SLC6A11: variants seen among roughly 807,000 people sequenced by gnomAD.
SLC6A11 encodes solute carrier family 6 member 11.
SLC6A11 carries 25 observed loss-of-function variants against 74.8 expected under a neutral mutation model. The observed-to-expected ratio is 0.33, with a 90% CI of 0.24 to 0.47. The LOEUF (loss-of-function observed/expected upper bound fraction) is 0.47. Ranked by LOEUF, SLC6A11 falls within the 20% of genes least tolerant of loss-of-function variation. The pLI, the probability that SLC6A11 is intolerant of heterozygous loss-of-function variation, is 1.00. For synonymous variants in SLC6A11, 330 were observed against 330.2 expected, an observed-to-expected ratio of 1.00 and a Z score of 0.01; for missense variants, 574 against 837.0, an observed-to-expected ratio of 0.69 and a Z score of 3.88.
intron 6 of SLC6A11, among the ~76,000 whole-genome samples, chr3:10,900,813 A>G (rs1285550389): frequency 6.6e-6 from 1 of 152,174 alleles, no homozygotes; most frequent in East Asian, 1.9e-4. Flanking sequence ...CCCCTAGCCC[A>G]GTGCTGCCCA....
chr3:10,875,677 A>C (rs1694898918), intron 6 of SLC6A11, among the ~76,000 whole-genome samples: 1 of 152,224 alleles, frequency 6.6e-6, no homozygotes. Flanking sequence ...TGGCTAAGCT[A>C]TCAGTTGTCT....
chr3:10,825,619 C>G (rs1397455712), intron 4 of SLC6A11: 1 of 152,078 alleles, frequency 6.6e-6, no homozygotes, highest in Admixed American at 6.5e-5. Flanking sequence ...ATATATTTCC[C>G]TACCCCAAAG....
At chr3:10,908,801 G>A (rs1345320260) in intron 6 of SLC6A11, among the ~76,000 whole-genome samples, 2 of 151,980 alleles carry the variant, frequency 1.3e-5, no homozygotes, top group Non-Finnish European at 2.9e-5. Flanking sequence ...CAGTAATTTG[G>A]GATTGATTAA....
At chr3:10,856,715 C>A (rs967151618) in intron 5 of SLC6A11, among the ~76,000 whole-genome samples, 2 of 152,136 alleles carry the variant, frequency 1.3e-5, no homozygotes, top group African/African-American at 4.8e-5. Context: ...TATGATGTGC[C>A]GGGTACCCGT....
chr3:10,834,772 C>G (rs1694345329), intron 4 of SLC6A11, among the ~76,000 whole-genome samples: 2 of 152,146 alleles, frequency 1.3e-5, no homozygotes, highest in African/African-American at 2.4e-5. Context: ...AATGCCGAAG[C>G]TCGAGTTTCC....
At chr3:10,840,547 G>A (rs1267205722) in intron 4 of SLC6A11, among the ~76,000 whole-genome samples, 1 of 152,170 alleles carries the variant, frequency 6.6e-6, no homozygotes, top group Non-Finnish European at 1.5e-5. Context: ...GCTTTCGTAA[G>A]TATTGTTTAA....
chr3:10,873,743 CCA>C, intron 5 of SLC6A11, among the ~76,000 whole-genome samples: 2 of 151,444 alleles, frequency 1.3e-5, no homozygotes, highest in African/African-American at 4.9e-5. Context: ...CCGTCCCGTC[CCA>C]TGCTATCCTG....
At position 10,895,040 on chromosome 3, in the gene SLC6A11, T is replaced by C. The variant is rs187732152; in HGVS notation, c.892-17050T>C. 5.3e-5 allele frequency among the ~76,000 whole-genome samples: 8 copies of C among 152,320 alleles called. No individual in the cohort carries two copies. In the East Asian group the frequency reaches 1.5e-3, roughly 29 times the overall value. On this transcript the variant is annotated intron_variant, in intron 6 of 13. Transcript: ENST00000254488. Reference sequence around the variant, plus strand: ...CTGAGTGATCCCCCAGGGCCTTGTCTTCTTCCTCTGTGAAGTGGAGATGAT... The same window carrying C: ...CTGAGTGATCCCCCAGGGCCTTGTCCTCTTCCTCTGTGAAGTGGAGATGAT...
chr3:10,844,138 T>G (rs906385583), intron 4 of SLC6A11, 76 bp from the exon 5 acceptor site: 2 of 1,573,122 alleles, frequency 1.3e-6, no homozygotes, highest in Non-Finnish European at 1.7e-6. Flanking sequence ...GGCCCATCCC[T>G]GCTCCTCTGC....
rs764825138 is a variant in SLC6A11, at chr3:10,929,335, CAG to C, written c.1370_1371del (p.Glu457GlyfsTer10). ...TATTTTCTGGGCCTCGTGATGTTAA[CAG>C]AGGTGAGTGGCATGGTTCGGGCCGC... On this transcript the variant is annotated frameshift_variant and splice_region_variant, in exon 10 of 14. Coordinates refer to ENST00000254488, the MANE Select transcript of SLC6A11 (RefSeq NM_014229.3). LOFTEE classifies it high-confidence loss of function. 1 of 1,613,986 alleles carries C rather than the reference CAG, an allele frequency of 6.2e-7. No individual in the cohort carries two copies. Among genetic ancestry groups the C allele is most frequent in the Non-Finnish European group, 8.5e-7 (1 of 1,179,932 alleles).
At chr3:10,828,912 A>G (rs1694255263) in intron 4 of SLC6A11, among the ~76,000 whole-genome samples, 1 of 152,184 alleles carries the variant, frequency 6.6e-6, no homozygotes, top group Non-Finnish European at 1.5e-5. Flanking sequence ...TGTTTTGTTC[A>G]TTATTGTCTT....
At position 10,823,458 on chromosome 3, in the gene SLC6A11, C is replaced by T. The variant is rs1694163821; in HGVS notation, c.623+66C>T. 2.8e-6 allele frequency: 3 copies of T among 1,088,210 alleles called. No homozygotes were observed. In the South Asian group the frequency reaches 3.8e-5, roughly 14 times the overall value. 67.4% of individuals were successfully genotyped at this position (1,088,210 alleles called of 1,614,324 possible). A position where few individuals can be genotyped will look rare whatever the true frequency, so the allele number is the denominator to read the frequency against. ...TCTGTCCTGGTTCTGCTCAGTTGGTCTTGCCCCTATTCCTGGAAAAAGCCT... is the reference window on the plus strand; with the variant it reads ...TCTGTCCTGGTTCTGCTCAGTTGGTTTTGCCCCTATTCCTGGAAAAAGCCT... On this transcript the variant is annotated intron_variant, in intron 4 of 13. Transcript: ENST00000254488.
intron 10 of SLC6A11, among the ~76,000 whole-genome samples, chr3:10,931,214 A>T: frequency 6.6e-6 from 1 of 152,168 alleles, no homozygotes; most frequent in South Asian, 2.1e-4. Context: ...TCCGTGCCTC[A>T]GTTTCCCCAT....
rs114511992 is a variant in SLC6A11 at position 10,869,864 on chromosome 3, G to A, written c.757-5097G>A. 3.7e-3 allele frequency among the ~76,000 whole-genome samples: 564 copies of A among 152,210 alleles called. 3 individuals are homozygous for A. The highest frequency in any genetic ancestry group is 0.012 in the African/African-American group (488 of 41,552). The stretch of plus-strand genomic sequence containing the variant: ...GGTGATGAATGGCACCAGCAATGGC[G>A]GTAAAAAGGGGGTGTAACTTCAGAA... On this transcript the variant is annotated intron_variant, in intron 5 of 13. Transcript: ENST00000254488.
At chr3:10,820,130 T>C (rs866014292) in intron 3 of SLC6A11, among the ~76,000 whole-genome samples, 1 of 152,114 alleles carries the variant, frequency 6.6e-6, no homozygotes, top group South Asian at 2.1e-4. Flanking sequence ...ACTGAGCCCT[T>C]TGGGGGCAGG....
chr3:10,889,296 C>T (rs1444233154), intron 6 of SLC6A11, among the ~76,000 whole-genome samples: 6 of 152,090 alleles, frequency 3.9e-5, no homozygotes. Context: ...CCATAGTTGA[C>T]ATTGGAGTTC....
chr3:10,844,260 C>G lies in SLC6A11; in HGVS notation c.670C>G (p.Leu224Val). 1.9e-6 allele frequency: 3 copies of G among 1,614,244 alleles called. No homozygotes were observed. Among genetic ancestry groups the G allele is most frequent in the Non-Finnish European group, 2.5e-6 (3 of 1,180,048 alleles). ...ISDGIEHIGN[L>V]RWELALCLLA... Reference sequence around the variant, plus strand: ...TGACGGGATCGAGCACATCGGGAACCTTCGCTGGGAGCTGGCCTTGTGTCT... The same window carrying G: ...TGACGGGATCGAGCACATCGGGAACGTTCGCTGGGAGCTGGCCTTGTGTCT... The change falls in exon 5 of 14, where the codon CTT becomes GTT. Residue 224 changes from leucine to valine, a missense_variant. This residue lies in a region of SLC6A11 where 215 missense variants were observed against 357.9 expected (regional missense o/e 0.60). Transcript: ENST00000254488.
chr3:10,880,534 G>A (rs932512610), intron 6 of SLC6A11, among the ~76,000 whole-genome samples: 2 of 152,198 alleles, frequency 1.3e-5, no homozygotes, highest in African/African-American at 4.8e-5. Context: ...ATAGGAAATA[G>A]GAAGGAGAGG....
chr3:10,859,217 G>C (rs756949689), intron 5 of SLC6A11, among the ~76,000 whole-genome samples: 7 of 152,186 alleles, frequency 4.6e-5, no homozygotes, highest in Non-Finnish European at 8.8e-5. Context: ...GGTGGAGAGA[G>C]AGGAAGAATT....
Sources: gnomAD v4.1 joint callset for allele counts (sites outside exome capture counted in the v4.1 genomes callset) on GRCh38, gnomAD v4.1.1 for gene constraint, gnomAD v4.1.1 regional missense constraint, MANE v1.5 for transcripts, NCBI Gene and HGNC (gene_info 2026-07-23, HGNC 2026-07-21) for gene names.